Variants in RAPGEF4 observed in about 807,000 individuals in gnomAD.
RAPGEF4 encodes the protein RAP guanine-nucleotide-exchange factor (GEF) 4.
Under a neutral mutation model 147.9 loss-of-function variants are expected in RAPGEF4, and 66 were observed. That is an observed-to-expected ratio of 0.45 (90% confidence interval 0.37 to 0.55). The LOEUF (loss-of-function observed/expected upper bound fraction) is 0.55. Ranked by LOEUF, RAPGEF4 falls within the 20% of genes least tolerant of loss-of-function variation. The pLI is 0.00. For missense variants in RAPGEF4, 1,071 were observed against 1,257.3 expected, an observed-to-expected ratio of 0.85 and a Z score of 2.24; for synonymous variants, 419 against 442.7, an observed-to-expected ratio of 0.95 and a Z score of 0.67.
intron 1 of RAPGEF4, among the ~76,000 whole-genome samples, chr2:172,768,362 T>C (rs1334936956): frequency 2.6e-5 from 4 of 152,178 alleles, no homozygotes; most frequent in Non-Finnish European, 5.9e-5. Context: ...TTTTATGTTA[T>C]AGGGACATTC....
At chr2:172,752,496 A>T (rs1419753796) in intron 1 of RAPGEF4, among the ~76,000 whole-genome samples, 4 of 152,188 alleles carry the variant, frequency 2.6e-5, no homozygotes, top group Non-Finnish European at 4.4e-5. Flanking sequence ...CTCTGTTGTG[A>T]TGTTAGGGCA....
Position 173,017,622 on chromosome 2 carries a change from A to G in RAPGEF4, c.2008+118A>G, listed in dbSNP as rs2305461. On this transcript the variant is annotated intron_variant, in intron 21 of 30. Transcript: ENST00000397081. ...TTGAAGATGCCCTGTTGCCCTCCAG[A>G]TGGTTTGCTTGGAGGTGCCCTTTGG... The G allele has an allele frequency of 0.067, 66,315 of 990,972 alleles. 2,644 individuals carry two copies. The highest frequency in any genetic ancestry group is 0.12 in the East Asian group (4,614 of 38,408). 61.4% of individuals were successfully genotyped at this position (990,972 alleles called of 1,614,324 possible).
At chr2:172,838,535 A>G (rs1218360788) in intron 4 of RAPGEF4, among the ~76,000 whole-genome samples, 3 of 152,168 alleles carry the variant, frequency 2.0e-5, no homozygotes, top group African/African-American at 4.8e-5. Context: ...GCACGGTAGA[A>G]AGTTAATATC....
intron 11 of RAPGEF4, 22 bp downstream of exon 11, chr2:172,983,602 C>T (rs1325656181): frequency 1.2e-6 from 2 of 1,611,808 alleles, no homozygotes; most frequent in Non-Finnish European, 1.7e-6. Context: ...CTTAGTTTAG[C>T]ATGGTTGGAG....
intron 29 of RAPGEF4, among the ~76,000 whole-genome samples, chr2:173,046,649 C>T (rs1685508588): frequency 2.0e-5 from 3 of 152,202 alleles, no homozygotes; most frequent in African/African-American, 4.8e-5. Context: ...ATTTATTTCA[C>T]GGCTCCATAT....
At chr2:172,749,779 G>A (rs528760024) in intron 1 of RAPGEF4, among the ~76,000 whole-genome samples, 67 of 152,198 alleles carry the variant, frequency 4.4e-4, no homozygotes, top group South Asian at 2.5e-3. Context: ...GAACTTTTAT[G>A]CTCTGTTTCC....
intron 4 of RAPGEF4, among the ~76,000 whole-genome samples, chr2:172,872,046 C>T (rs1378229336): frequency 6.6e-6 from 1 of 152,152 alleles, no homozygotes; most frequent in Non-Finnish European, 1.5e-5. Context: ...TATCTGAAAA[C>T]AAACCTACTT....
intron 10 of RAPGEF4, 30 bp downstream of exon 10, chr2:172,967,474 A>T (rs1689970362): frequency 1.9e-6 from 3 of 1,597,116 alleles, no homozygotes; most frequent in Non-Finnish European, 2.6e-6. Context: ...TCACCCCTCC[A>T]GGTCCCAAGG....
chr2:172,884,282 T>C (rs1225956948), intron 4 of RAPGEF4, among the ~76,000 whole-genome samples: 1 of 152,230 alleles, frequency 6.6e-6, no homozygotes, highest in Non-Finnish European at 1.5e-5. Flanking sequence ...CTTAATCTCA[T>C]GTTGACCTTG....
chr2:172,763,680 G>C (rs1223267663), intron 1 of RAPGEF4, among the ~76,000 whole-genome samples: 1 of 152,158 alleles, frequency 6.6e-6, no homozygotes. Context: ...TCGACTCAGT[G>C]ATATATGGAT....
intron 4 of RAPGEF4, among the ~76,000 whole-genome samples, chr2:172,849,693 C>T (rs1362884137): frequency 6.6e-6 from 1 of 152,162 alleles, no homozygotes; most frequent in African/African-American, 2.4e-5. Context: ...ATGGAAAAGA[C>T]ACTATCTTGA....
intron 3 of RAPGEF4, among the ~76,000 whole-genome samples, chr2:172,802,067 G>A (rs1437076014): frequency 2.0e-5 from 3 of 152,196 alleles, no homozygotes; most frequent in African/African-American, 7.2e-5. Flanking sequence ...AGACAAAATG[G>A]TTAGAACTGA....
chr2:173,013,500 T>C (rs1033794990), intron 17 of RAPGEF4, among the ~76,000 whole-genome samples: 1 of 152,172 alleles, frequency 6.6e-6, no homozygotes, highest in Admixed American at 6.5e-5. Flanking sequence ...TAGTGAAGAG[T>C]AAGTTGTTTT....
chr2:172,804,864 C>G (rs1026346670), intron 3 of RAPGEF4, among the ~76,000 whole-genome samples: 24 of 152,334 alleles, frequency 1.6e-4, no homozygotes, highest in Non-Finnish European at 3.1e-4. Context: ...TTCAGGCCCT[C>G]TCTTAGGAAG....
chr2:172,825,149 C>T (rs894974488), intron 4 of RAPGEF4, among the ~76,000 whole-genome samples: 1 of 152,222 alleles, frequency 6.6e-6, no homozygotes, highest in African/African-American at 2.4e-5. Flanking sequence ...GTCAGTAATG[C>T]ATTTAATACA....
At chr2:172,926,095 G>A (rs1685337357) in intron 6 of RAPGEF4, among the ~76,000 whole-genome samples, 1 of 151,106 alleles carries the variant, frequency 6.6e-6, no homozygotes, top group Non-Finnish European at 1.5e-5. Context: ...AGGAAAGAAG[G>A]AAAGAAGGAA....
intron 4 of RAPGEF4, among the ~76,000 whole-genome samples, chr2:172,819,687 G>C (rs1489196213): frequency 1.3e-5 from 2 of 151,688 alleles, no homozygotes; most frequent in East Asian, 1.9e-4. Context: ...GGATGGTCTC[G>C]ATCTCCTGAC....
At chr2:172,974,016 A>G (rs200708497) in intron 10 of RAPGEF4, among the ~76,000 whole-genome samples, 14 of 152,312 alleles carry the variant, frequency 9.2e-5, no homozygotes, top group East Asian at 5.8e-4. Flanking sequence ...TCCCTACTTC[A>G]CAATAGATTG....
intron 27 of RAPGEF4, 116 bp downstream of exon 27, chr2:173,034,080 G>A (rs1208193573): frequency 1.1e-6 from 1 of 947,708 alleles, no homozygotes; most frequent in East Asian, 2.6e-5. Context: ...ACTTTAAGAA[G>A]TTTATGATCC....
Sources: gnomAD v4.1 joint callset for allele counts (sites outside exome capture counted in the v4.1 genomes callset) on GRCh38, gnomAD v4.1.1 for gene constraint, MANE v1.5 for transcripts, NCBI Gene and HGNC (gene_info 2026-07-23, HGNC 2026-07-21) for gene names.